Variants in MOK observed in about 807,000 individuals in gnomAD.
MOK encodes MOK protein kinase.
MOK carries 59 observed loss-of-function variants against 54.2 expected under a neutral mutation model. That is an observed-to-expected ratio of 1.09 (90% CI 0.88 to 1.35). The LOEUF is 1.35. MOK is among the 40% of genes most tolerant of loss of function. MOK has a pLI of 0.00. For missense variants in MOK, 517 were observed against 526.2 expected, an observed-to-expected ratio of 0.98 and a Z score of 0.17; for synonymous variants, 210 against 202.7, an observed-to-expected ratio of 1.04 and a Z score of -0.31.
chr14:102,244,653 T>A (rs1434292299), intron 7 of MOK, among the ~76,000 whole-genome samples: 1 of 152,178 alleles, frequency 6.6e-6, no homozygotes, highest in East Asian at 1.9e-4. Context: ...AAAATACGTC[T>A]CGGTCTAGAT....
At chr14:102,284,153 T>TG (rs1418680542) in intron 1 of MOK, among the ~76,000 whole-genome samples, 1 of 152,054 alleles carries the variant, frequency 6.6e-6, no homozygotes, top group Non-Finnish European at 1.5e-5. Context: ...CTATGTTAAA[T>TG]GCCTTCCTGC....
chr14:102,238,941 C>G lies in MOK; in HGVS notation c.591-5152G>C, dbSNP rs1488400674. ...GGGGAAGACTGGCAAATAGACTTCA[C>G]CCACATGCCTCCCGTCAAAAACACA... On this transcript the variant is annotated intron_variant, in intron 7 of 11. Transcript: ENST00000361847. The surrounding 1 kb of genome is among the most constrained non-coding windows in gnomAD (Gnocchi z 4.8). Among the ~76,000 whole-genome samples the G allele has an allele frequency of 6.6e-6, 1 of 152,188 alleles. No homozygotes were observed. Among genetic ancestry groups the G allele is most frequent in the Non-Finnish European group, 1.5e-5 (1 of 68,034 alleles).
At chr14:102,273,311 G>T (rs1027173663) in intron 2 of MOK, among the ~76,000 whole-genome samples, 11 of 148,110 alleles carry the variant, frequency 7.4e-5, no homozygotes, top group African/African-American at 2.7e-4. Context: ...TGAATCCTGA[G>T]AAATTTCTCA....
chr14:102,294,235 A>G (rs1329389701), intron 1 of MOK, among the ~76,000 whole-genome samples: 1 of 151,670 alleles, frequency 6.6e-6, no homozygotes, highest in African/African-American at 2.4e-5. Context: ...TCACGAGGTC[A>G]GGAGATCAAC....
chr14:102,265,760 T>C, intron 3 of MOK, 63 bp downstream of exon 3: 2 of 1,374,138 alleles, frequency 1.5e-6, no homozygotes, highest in Admixed American at 1.8e-5. Flanking sequence ...CATGGTTTTC[T>C]TTCTTAAAAA....
At chr14:102,267,987 AAC>A (rs2068048519) in intron 2 of MOK, among the ~76,000 whole-genome samples, 1 of 152,154 alleles carries the variant, frequency 6.6e-6, no homozygotes, top group Non-Finnish European at 1.5e-5. Context: ...CCAAAATGCC[AAC>A]AGTGTTGAGA....
In MOK at chr14:102,233,748, A is replaced by ATT. The variant is rs769431982; in HGVS notation, c.630_631dup (p.Ile211LysfsTer26). 27 of 1,614,034 alleles carry ATT rather than the reference A, an allele frequency of 1.7e-5. No homozygotes were observed. The highest frequency in any genetic ancestry group is 1.6e-4 in the Middle Eastern group (1 of 6,062). Reference sequence around the variant, plus strand: ...GCCGATGACATCGTGGATTTTTGAGATTTGGTCCAGTTCATTTACTCCAGG... The same window carrying ATT: ...GCCGATGACATCGTGGATTTTTGAGATTTTTGGTCCAGTTCATTTACTCCAGG... On this transcript the variant is annotated frameshift_variant, in exon 8 of 12. Coordinates refer to ENST00000361847, the MANE Select transcript of MOK (RefSeq NM_014226.3). LOFTEE classifies it high-confidence loss of function.
At chr14:102,255,543 G>C (rs1326901418) in intron 4 of MOK, among the ~76,000 whole-genome samples, 2 of 148,974 alleles carry the variant, frequency 1.3e-5, no homozygotes, top group Non-Finnish European at 2.9e-5. Context: ...CTGGTCCCGG[G>C]CCAGTAGTTG....
downstream of MOK, chr14:102,224,559 C>T (rs1358047497): frequency 8.8e-6 from 4 of 456,042 alleles, no homozygotes; most frequent in Admixed American, 9.4e-5. Context: ...ACCTATTTCT[C>T]TAATTCATCA....
chr14:102,297,826 C>T (rs1182584883), intron 1 of MOK, among the ~76,000 whole-genome samples: 1 of 152,176 alleles, frequency 6.6e-6, no homozygotes, highest in Non-Finnish European at 1.5e-5. Flanking sequence ...GTTTAGCACC[C>T]GGGCCAGCAG....
At chr14:102,278,622 C>T in intron 2 of MOK, 1 of 453,998 alleles carries the variant, frequency 2.2e-6, no homozygotes, top group Non-Finnish European at 4.4e-6. Context: ...TCAGAGTCAG[C>T]TCCACGACGT....
chr14:102,253,974 G>A (rs761955672), intron 4 of MOK, among the ~76,000 whole-genome samples: 1 of 151,482 alleles, frequency 6.6e-6, no homozygotes, highest in Non-Finnish European at 1.5e-5. Context: ...AAAATGTCTA[G>A]GTGCAATTAG....
intron 1 of MOK, 21 bp from the exon 2 acceptor site, chr14:102,283,613 AAAAAT>A (rs774092629): frequency 6.7e-7 from 1 of 1,503,472 alleles, no homozygotes; most frequent in East Asian, 2.3e-5. Context: ...AAATGATTAC[AAAAAT>A]AAAATGTTAT....
chr14:102,258,134 G>C (rs1157471718), intron 4 of MOK, among the ~76,000 whole-genome samples: 1 of 152,172 alleles, frequency 6.6e-6, no homozygotes, highest in Non-Finnish European at 1.5e-5. Flanking sequence ...CTGGTCTTCT[G>C]TGATCGTTTT....
At chr14:102,266,934 T>C (rs1692871082) in intron 2 of MOK, among the ~76,000 whole-genome samples, 1 of 152,222 alleles carries the variant, frequency 6.6e-6, no homozygotes, top group African/African-American at 2.4e-5. Context: ...CAGGTGTGCC[T>C]TATTGCAGGC....
Position 102,249,640 on chromosome 14 carries a change from C to T in MOK, c.590+1172G>A, listed in dbSNP as rs1460106069. 1.3e-5 allele frequency among the ~76,000 whole-genome samples: 2 copies of T among 152,132 alleles called. No homozygotes were observed. Among genetic ancestry groups the T allele is most frequent in the African/African-American group, 2.4e-5 (1 of 41,422 alleles). ...AGGAGAATCGCTAGAACCCGGGAGG[C>T]GGAGGCTGCGGTGAGCCAAGATCGC... On this transcript the variant is annotated intron_variant, in intron 7 of 11. Coordinates refer to ENST00000361847, the MANE Select transcript of MOK (RefSeq NM_014226.3). This position sits in a 1 kb window ranked among gnomAD's most constrained non-coding sequence, Gnocchi z 5.3.
chr14:102,301,370 G>A (rs1160114625), intron 1 of MOK, among the ~76,000 whole-genome samples: 3 of 152,158 alleles, frequency 2.0e-5, no homozygotes, highest in African/African-American at 7.2e-5. Context: ...ACTGCACTGT[G>A]TCACTCTTTG....
chr14:102,261,441 AT>A, intron 4 of MOK, among the ~76,000 whole-genome samples: 1 of 109,262 alleles, frequency 9.2e-6, no homozygotes, highest in South Asian at 2.8e-4. Context: ...ATATATATAT[AT>A]ATATATATAT....
chr14:102,252,101 TC>T, intron 4 of MOK, 106 bp from the exon 5 acceptor site: 1 of 706,984 alleles, frequency 1.4e-6, no homozygotes. Flanking sequence ...AAATCTAAGT[TC>T]CCCTGTAAAA....
Sources: gnomAD v4.1 joint callset for allele counts (sites outside exome capture counted in the v4.1 genomes callset) on GRCh38, gnomAD v4.1.1 for gene constraint, Gnocchi (gnomAD v3.1) non-coding constraint, MANE v1.5 for transcripts, NCBI Gene and HGNC (gene_info 2026-07-23, HGNC 2026-07-21) for gene names.